The following RAVER2 variants were observed in gnomAD, a reference collection of about 807,000 sequenced individuals.
RAVER2 encodes the protein ribonucleoprotein PTB-binding 2.
In RAVER2, 46 loss-of-function variants were observed where a neutral mutation model predicts 78.1. The ratio of observed to expected loss-of-function variants is 0.59; its 90% CI spans 0.46 to 0.75. RAVER2 has a LOEUF of 0.75. Among genes scored for constraint, RAVER2 ranks in the 30% least tolerant of loss-of-function variants. The pLI, the probability that RAVER2 is intolerant of heterozygous loss-of-function variation, is 0.00. For synonymous variants in RAVER2, 311 were observed against 313.3 expected (o/e 0.99, Z 0.08); for missense variants, 793 against 837.5 (o/e 0.95, Z 0.66).
In RAVER2 at chr1:64,745,398, C is replaced by T; in HGVS notation, c.226C>T (p.Leu76=). Residue 76 remains leucine, a synonymous_variant, in exon 1 of 12, where the codon CTG becomes TTG. Transcript: ENST00000294428. The surrounding 1 kb of genome is among the most constrained non-coding windows in gnomAD (Gnocchi z 4.3). ...CCGCAGGAAAATCCTGGTGAAAAACCTGCCCCAGGACAGCAACTGCCAGGT... is the reference window on the plus strand; with the variant it reads ...CCGCAGGAAAATCCTGGTGAAAAACTTGCCCCAGGACAGCAACTGCCAGGT... 6.5e-7 allele frequency: 1 copy of T among 1,538,442 alleles called. No individual in the cohort carries two copies. Among genetic ancestry groups the T allele is most frequent in the Non-Finnish European group, 8.8e-7 (1 of 1,140,074 alleles).
intron 7 of RAVER2, 40 bp from the exon 8 acceptor site, chr1:64,804,951 C>A: frequency 6.3e-7 from 1 of 1,586,464 alleles, no homozygotes; most frequent in Non-Finnish European, 8.6e-7. Context: ...TAGGTTATAT[C>A]TTATGGCCAT....
intron 11 of RAVER2, among the ~76,000 whole-genome samples, chr1:64,819,919 C>G (rs1276464062): frequency 6.6e-6 from 1 of 152,116 alleles, no homozygotes. Context: ...CCATTGAGAA[C>G]CACTGTGTTA....
intron 1 of RAVER2, among the ~76,000 whole-genome samples, chr1:64,754,135 A>T (rs750516596): frequency 6.6e-6 from 1 of 152,184 alleles, no homozygotes; most frequent in Non-Finnish European, 1.5e-5. Context: ...TCATTTTAAG[A>T]CTATAAGATT....
intron 11 of RAVER2, among the ~76,000 whole-genome samples, chr1:64,826,807 A>G (rs1188158500): frequency 6.6e-6 from 1 of 152,226 alleles, no homozygotes; most frequent in Non-Finnish European, 1.5e-5. Flanking sequence ...GCCTGGAAGC[A>G]ACAGAGGCAG....
intron 11 of RAVER2, among the ~76,000 whole-genome samples, chr1:64,824,595 T>G (rs997530875): frequency 6.6e-6 from 1 of 152,094 alleles, no homozygotes; most frequent in African/African-American, 2.4e-5. Flanking sequence ...TTTTAAAAAG[T>G]GATTTTGGTT....
chr1:64,749,222 G>GT (rs1271501595), intron 1 of RAVER2, among the ~76,000 whole-genome samples: 1 of 151,926 alleles, frequency 6.6e-6, no homozygotes, highest in Non-Finnish European at 1.5e-5. Flanking sequence ...TTGTTTGTTT[G>GT]TTTTTTGAGA....
chr1:64,790,078 C>A (rs150676528), intron 5 of RAVER2, among the ~76,000 whole-genome samples: 1 of 152,144 alleles, frequency 6.6e-6, no homozygotes, highest in Non-Finnish European at 1.5e-5. Flanking sequence ...ACCTTCTGTG[C>A]ATTCTGAAAT....
At chr1:64,764,186 G>T (rs144073067) in intron 1 of RAVER2, among the ~76,000 whole-genome samples, 1 of 152,140 alleles carries the variant, frequency 6.6e-6, no homozygotes, top group African/African-American at 2.4e-5. Flanking sequence ...TATAATATTA[G>T]CACAGAATAG....
chr1:64,822,567 C>G (rs2100899836), intron 11 of RAVER2, among the ~76,000 whole-genome samples: 1 of 152,218 alleles, frequency 6.6e-6, no homozygotes, highest in East Asian at 1.9e-4. Flanking sequence ...AAATGGGAAT[C>G]CTCATACAGT....
chr1:64,745,553 T>A lies in RAVER2; in HGVS notation c.249+132T>A. 1 of 1,188,782 alleles carries A rather than the reference T, an allele frequency of 8.4e-7. No individual in the cohort carries two copies. Among genetic ancestry groups the A allele is most frequent in the Non-Finnish European group, 1.1e-6 (1 of 914,414 alleles). 73.6% of individuals were successfully genotyped at this position (1,188,782 alleles called of 1,614,324 possible). ...GGCGCCGAGTGGTGAGAGCGGCCCC[T>A]CGGTTTGACTGAGTTCTTGGGGTTT... On this transcript the variant is annotated intron_variant, in intron 1 of 11. Coordinates refer to ENST00000294428, the Ensembl canonical transcript of RAVER2. The surrounding 1 kb of genome is among the most constrained non-coding windows in gnomAD (Gnocchi z 4.3).
At chr1:64,753,550 C>T (rs1281162970) in intron 1 of RAVER2, among the ~76,000 whole-genome samples, 3 of 105,636 alleles carry the variant, frequency 2.8e-5, no homozygotes, top group African/African-American at 1.1e-4. Context: ...TTTTTGGAAA[C>T]GGAGTCTCAC....
chr1:64,775,738 G>T (rs1191966217), intron 2 of RAVER2, among the ~76,000 whole-genome samples: 2 of 152,146 alleles, frequency 1.3e-5, no homozygotes, highest in Non-Finnish European at 2.9e-5. Flanking sequence ...GTTAAGAAAG[G>T]CCTGGTGCAG....
intron 8 of RAVER2, among the ~76,000 whole-genome samples, chr1:64,806,505 TCTATTAACAAA>T (rs1282231858): frequency 6.6e-6 from 1 of 152,220 alleles, no homozygotes; most frequent in Non-Finnish European, 1.5e-5. Flanking sequence ...TTAGTGCTTA[TCTATTAACAAA>T]TACTGATTTA....
intron 1 of RAVER2, among the ~76,000 whole-genome samples, chr1:64,766,640 A>G (rs1467580246): frequency 6.6e-6 from 1 of 152,186 alleles, no homozygotes; most frequent in African/African-American, 2.4e-5. Flanking sequence ...TCTTAGCTGA[A>G]TGAGTAACAT....
At chr1:64,804,824 A>G in exon 7 of RAVER2, 1 of 1,546,506 alleles carries the variant, frequency 6.5e-7, no homozygotes, top group South Asian at 1.1e-5. Flanking sequence ...GTTTGAGAAT[A>G]TTCATACTAA....
chr1:64,780,024 C>G (rs1652585761), intron 3 of RAVER2, among the ~76,000 whole-genome samples: 1 of 151,658 alleles, frequency 6.6e-6, no homozygotes, highest in African/African-American at 2.4e-5. Context: ...TTTTGAAAGA[C>G]TTAAAATATT....
chr1:64,812,066 C>A (rs1257037850), intron 9 of RAVER2, among the ~76,000 whole-genome samples: 1 of 152,000 alleles, frequency 6.6e-6, no homozygotes, highest in African/African-American at 2.4e-5. Context: ...TGATAACAGG[C>A]CAGGCGCGGT....
chr1:64,777,779 T>A (rs778049488), exon 3 of RAVER2: 1 of 1,614,112 alleles, frequency 6.2e-7, no homozygotes, highest in Non-Finnish European at 8.5e-7. Context: ...TCAGAAGAGT[T>A]TGAAGAACTT....
At chr1:64,785,244 T>A (rs1258975875) in intron 4 of RAVER2, among the ~76,000 whole-genome samples, 1 of 152,206 alleles carries the variant, frequency 6.6e-6, no homozygotes, top group East Asian at 1.9e-4. Flanking sequence ...AAATAGGTGC[T>A]GACCTTTATC....
Sources: allele counts gnomAD v4.1 joint callset (sites outside exome capture counted in the v4.1 genomes callset), GRCh38; gene constraint gnomAD v4.1.1; non-coding constraint Gnocchi (gnomAD v3.1); transcripts MANE v1.5; gene names NCBI Gene and HGNC (gene_info 2026-07-23, HGNC 2026-07-21).